Variants in SDC2 observed in about 807,000 individuals in gnomAD.
SDC2 encodes the protein syndecan-2.
Under a neutral mutation model 22.2 loss-of-function variants are expected in SDC2, and 13 were observed. That is an observed-to-expected ratio of 0.59 (90% CI 0.38 to 0.93). SDC2 has a LOEUF of 0.93. SDC2 is among the 40% of genes least tolerant of loss of function. The pLI, the probability that SDC2 is intolerant of heterozygous loss-of-function variation, is 0.00. For synonymous variants in SDC2, 94 were observed against 92.8 expected, an observed-to-expected ratio of 1.01 and a Z score of -0.07; for missense variants, 235 against 246.8, an observed-to-expected ratio of 0.95 and a Z score of 0.32.
At chr8:96,539,090 G>A (rs1363484078) in intron 1 of SDC2, among the ~76,000 whole-genome samples, 2 of 152,182 alleles carry the variant, frequency 1.3e-5, no homozygotes, top group Non-Finnish European at 2.9e-5. Flanking sequence ...CTAAAAGGCC[G>A]CATTTATGCT....
chr8:96,584,657 T>C (rs377644847), intron 1 of SDC2, among the ~76,000 whole-genome samples: 5 of 152,248 alleles, frequency 3.3e-5, no homozygotes, highest in African/African-American at 1.2e-4. Flanking sequence ...CTTCTGTTTT[T>C]ACTCTAGTCT....
At chr8:96,497,326 G>A (rs1462501599) in intron 1 of SDC2, among the ~76,000 whole-genome samples, 2 of 151,938 alleles carry the variant, frequency 1.3e-5, no homozygotes, top group African/African-American at 4.8e-5. Flanking sequence ...TAAAAACAAG[G>A]GCTCTTTCTC....
rs562305740 is a variant in SDC2, at chr8:96,526,623, T to A, written c.60+32292T>A. ...GAGGAGGAAGGAATTGGGTGAAAATTAAAGAATCAAGCTAGTAAAAGTGAA... is the reference window on the plus strand; with the variant it reads ...GAGGAGGAAGGAATTGGGTGAAAATAAAAGAATCAAGCTAGTAAAAGTGAA... On this transcript the variant is annotated intron_variant, in intron 1 of 4. Transcript: ENST00000302190. Among the ~76,000 whole-genome samples the A allele has an allele frequency of 2.2e-4, 34 of 151,716 alleles. No homozygotes were observed. The South Asian group carries it at 6.7e-3, about 30-fold the overall frequency.
intron 1 of SDC2, among the ~76,000 whole-genome samples, chr8:96,503,225 C>T (rs1337625460): frequency 6.6e-6 from 1 of 152,094 alleles, no homozygotes; most frequent in Non-Finnish European, 1.5e-5. Flanking sequence ...GAAATCATTA[C>T]CAGGTAAATA....
At chr8:96,578,971 C>T (rs1814548692) in intron 1 of SDC2, among the ~76,000 whole-genome samples, 1 of 152,182 alleles carries the variant, frequency 6.6e-6, no homozygotes, top group Non-Finnish European at 1.5e-5. Flanking sequence ...AACCTGAATG[C>T]GTATCAGACA....
intron 1 of SDC2, among the ~76,000 whole-genome samples, chr8:96,576,864 G>A (rs1814513947): frequency 6.6e-6 from 1 of 152,132 alleles, no homozygotes. Flanking sequence ...GAAAGTTAAT[G>A]GTGAATACAT....
intron 1 of SDC2, among the ~76,000 whole-genome samples, chr8:96,543,707 G>A (rs546592216): frequency 6.6e-6 from 1 of 152,274 alleles, no homozygotes; most frequent in East Asian, 1.9e-4. Flanking sequence ...CGTCCCTGGT[G>A]TGTGCTTCAG....
At chr8:96,568,411 C>T (rs1309517074) in intron 1 of SDC2, among the ~76,000 whole-genome samples, 1 of 152,218 alleles carries the variant, frequency 6.6e-6, no homozygotes, top group Non-Finnish European at 1.5e-5. Flanking sequence ...AATCGACTGT[C>T]AGTTGCTTAC....
At chr8:96,541,372 C>T (rs183968763) in intron 1 of SDC2, among the ~76,000 whole-genome samples, 13 of 151,632 alleles carry the variant, frequency 8.6e-5, no homozygotes, top group South Asian at 4.2e-4. Context: ...CTGGACATGG[C>T]GGTGTGCACC....
intron 1 of SDC2, among the ~76,000 whole-genome samples, chr8:96,586,193 G>A (rs369356843): frequency 2.0e-4 from 30 of 152,140 alleles, no homozygotes; most frequent in African/African-American, 6.8e-4. Flanking sequence ...GAATAAGGCC[G>A]AATTCCAGCT....
At chr8:96,577,656 C>T (rs141821346) in intron 1 of SDC2, among the ~76,000 whole-genome samples, 3 of 152,302 alleles carry the variant, frequency 2.0e-5, no homozygotes, top group African/African-American at 7.2e-5. Flanking sequence ...TTGACAAATG[C>T]ATAATGTCGT....
chr8:96,531,230 G>A (rs1813656209), intron 1 of SDC2, among the ~76,000 whole-genome samples: 1 of 152,172 alleles, frequency 6.6e-6, no homozygotes, highest in African/African-American at 2.4e-5. Context: ...ATGATAAATA[G>A]AATTTGAGCA....
intron 1 of SDC2, among the ~76,000 whole-genome samples, chr8:96,571,451 G>T (rs570720581): frequency 1.3e-5 from 2 of 152,272 alleles, no homozygotes; most frequent in Admixed American, 1.3e-4. Flanking sequence ...CTTGAAAATA[G>T]AAACAAAGCA....
chr8:96,532,422 T>TTG (rs1554601030), intron 1 of SDC2, among the ~76,000 whole-genome samples: 72 of 143,252 alleles, frequency 5.0e-4, no homozygotes, highest in African/African-American at 1.8e-3. Flanking sequence ...GTTTTTTTTT[T>TTG]TTTTTTTTTT....
At chr8:96,530,833 G>T (rs1813650163) in intron 1 of SDC2, among the ~76,000 whole-genome samples, 1 of 152,212 alleles carries the variant, frequency 6.6e-6, no homozygotes, top group African/African-American at 2.4e-5. Flanking sequence ...TTGGCCATGG[G>T]CAGTATCTCA....
At chr8:96,574,801 T>C (rs1287163429) in intron 1 of SDC2, among the ~76,000 whole-genome samples, 1 of 152,196 alleles carries the variant, frequency 6.6e-6, no homozygotes, top group Admixed American at 6.5e-5. Flanking sequence ...GGAAAATGTA[T>C]TGCGTTACCT....
chr8:96,581,294 T>C lies in SDC2; in HGVS notation c.61-12186T>C, dbSNP rs113743570. Among the ~76,000 whole-genome samples the C allele has an allele frequency of 6.3e-3, 952 of 152,306 alleles. 11 individuals carry two copies. Among genetic ancestry groups the C allele is most frequent in the African/African-American group, 0.022 (912 of 41,574 alleles). On this transcript the variant is annotated intron_variant, in intron 1 of 4. Coordinates refer to ENST00000302190, the MANE Select transcript of SDC2 (RefSeq NM_002998.4). ...TTTTATCATTTTGCAAATTCGCTTT[T>C]ACCTTTCATCCTGTGCGACCCTGAT...
At position 96,587,450 on chromosome 8, in the gene SDC2, A is replaced by G. The variant is rs534466922; in HGVS notation, c.61-6030A>G. Among the ~76,000 whole-genome samples, 8 of 152,366 alleles carry G rather than the reference A, an allele frequency of 5.3e-5. No individual in the cohort carries two copies. The South Asian group carries it at 1.0e-3, about 20-fold the overall frequency. ...ATGTGCTTATAAGTCAGCCATATCT[A>G]ACATATTCAAGGGCAAGATCATCTT... On this transcript the variant is annotated intron_variant, in intron 1 of 4. Transcript: ENST00000302190.
At chr8:96,533,377 G>A (rs1279626918) in intron 1 of SDC2, among the ~76,000 whole-genome samples, 1 of 152,126 alleles carries the variant, frequency 6.6e-6, no homozygotes, top group Non-Finnish European at 1.5e-5. Flanking sequence ...GTTTTGACAG[G>A]GTGCTGATTG....
Sources: gnomAD v4.1 joint callset for allele counts (sites outside exome capture counted in the v4.1 genomes callset) on GRCh38, gnomAD v4.1.1 for gene constraint, MANE v1.5 for transcripts, NCBI Gene and HGNC (gene_info 2026-07-23, HGNC 2026-07-21) for gene names.